The following NLRC5 variants were observed in gnomAD, a reference collection of about 807,000 sequenced individuals.
NLRC5 encodes NLR family CARD domain containing 5.
NLRC5 carries 114 observed loss-of-function variants against 206.9 expected under a neutral mutation model. The observed-to-expected ratio is 0.55, with a 90% confidence interval of 0.47 to 0.64. The LOEUF (loss-of-function observed/expected upper bound fraction) is 0.64. Ranked by LOEUF, NLRC5 falls within the 30% of genes least tolerant of loss-of-function variation. NLRC5 has a pLI of 0.00. For missense variants in NLRC5, 2,008 were observed against 2,305.5 expected, an observed-to-expected ratio of 0.87 and a Z score of 2.64; for synonymous variants, 952 against 962.8, an observed-to-expected ratio of 0.99 and a Z score of 0.21.
intron 1 of NLRC5, 147 bp downstream of exon 1, chr16:56,989,764 C>G (rs1473431216): frequency 2.6e-5 from 4 of 152,240 alleles, no homozygotes. Context: ...GGTGGCTGGC[C>G]GATGGATAGC....
At chr16:57,059,128 G>C in intron 29 of NLRC5, 67 bp downstream of exon 29, 1 of 1,611,422 alleles carries the variant, frequency 6.2e-7, no homozygotes, top group Non-Finnish European at 8.5e-7. Context: ...GCTGATGATG[G>C]GAGAAGCAAG....
At chr16:57,013,411 G>A in intron 1 of NLRC5, 1 of 637,606 alleles carries the variant, frequency 1.6e-6, no homozygotes. Context: ...TTATTTTGAA[G>A]ATTTTTTCTG....
At chr16:57,059,420 G>C (rs748025911) in intron 29 of NLRC5, 47 bp from the exon 30 acceptor site, 1 of 1,570,794 alleles carries the variant, frequency 6.4e-7, no homozygotes, top group South Asian at 1.2e-5. Context: ...TGCCTAGGAA[G>C]CTGGCATGTC....
chr16:57,035,798 C>T (rs1271974017), intron 13 of NLRC5, among the ~76,000 whole-genome samples: 4 of 152,180 alleles, frequency 2.6e-5, no homozygotes, highest in South Asian at 2.1e-4. Context: ...GGTTCTCCCT[C>T]GAGCAAGTGC....
chr16:57,043,863 TC>T (rs1225667867), intron 20 of NLRC5: 7 of 545,156 alleles, frequency 1.3e-5, no homozygotes, highest in Admixed American at 3.3e-5. Flanking sequence ...CCTCACTCGT[TC>T]TTTGGATAGT....
At chr16:57,058,269 G>T in intron 28 of NLRC5, 121 bp downstream of exon 28, 1 of 790,494 alleles carries the variant, frequency 1.3e-6, no homozygotes, top group East Asian at 2.7e-5. Context: ...GACTGTGGAG[G>T]GCAAGGGGCA....
intron 46 of NLRC5, 117 bp downstream of exon 46, chr16:57,079,746 C>A: frequency 1.4e-6 from 1 of 739,118 alleles, no homozygotes; most frequent in Middle Eastern, 2.5e-4. Context: ...TCTGGCCAGT[C>A]CTCCCATTTG....
intron 1 of NLRC5, among the ~76,000 whole-genome samples, chr16:57,000,021 G>A (rs2058068253): frequency 6.6e-6 from 1 of 152,196 alleles, no homozygotes; most frequent in African/African-American, 2.4e-5. Context: ...GTGGCCCATT[G>A]GGATTTTTTA....
intron 39 of NLRC5, 85 bp downstream of exon 39, chr16:57,074,768 C>A: frequency 7.6e-7 from 1 of 1,309,008 alleles, no homozygotes; most frequent in Non-Finnish European, 1.1e-6. Flanking sequence ...AGCACTGAGG[C>A]CACCTCCCAG....
chr16:57,066,668 A>C (rs1308300966), intron 34 of NLRC5, 54 bp downstream of exon 34: 1 of 1,494,264 alleles, frequency 6.7e-7, no homozygotes, highest in African/African-American at 1.4e-5. Context: ...GGGAGGGGGC[A>C]GGGCTGCTTC....
chr16:57,030,210 A>C lies in NLRC5; in HGVS notation c.2417+126A>C, dbSNP rs1038480845. 16 of 742,108 alleles carry C rather than the reference A, an allele frequency of 2.2e-5. No homozygotes were observed. The African/African-American group carries it at 2.6e-4, about 12-fold the overall frequency. 46.0% of individuals were successfully genotyped at this position (742,108 alleles called of 1,614,324 possible). A position where few individuals can be genotyped will look rare whatever the true frequency, so the allele number is the denominator to read the frequency against. On this transcript the variant is annotated intron_variant, in intron 10 of 48. Transcript: ENST00000688547. ...CTGTGCATACCCTACTGTTTTACTC[A>C]CAGCTTTACCTTCAGAACCTAGCTC...
Position 56,994,842 on chromosome 16 carries a change from T to A in NLRC5, c.-128+5225T>A, listed in dbSNP as rs111513619. ...TGTGCTCCCAGATGCTCATTGTGAA[T>A]GACATTTTTGCAATTTTTGCAATTT... On this transcript the variant is annotated intron_variant, in intron 1 of 48. Transcript: ENST00000688547. Among the ~76,000 whole-genome samples, 913 of 152,312 alleles carry A rather than the reference T, an allele frequency of 6.0e-3. 11 individuals are homozygous for A. Among genetic ancestry groups the A allele is most frequent in the African/African-American group, 0.02 (842 of 41,572 alleles).
intron 1 of NLRC5, among the ~76,000 whole-genome samples, chr16:57,003,145 C>T (rs529383043): frequency 4.6e-5 from 7 of 152,236 alleles, no homozygotes; most frequent in Middle Eastern, 3.4e-3. Context: ...CTGCCGCCTC[C>T]GTCTCTTGGG....
At chr16:57,061,965 T>C (rs746456112) in intron 32 of NLRC5, 8 of 1,496,454 alleles carry the variant, frequency 5.3e-6, no homozygotes, top group Middle Eastern at 3.5e-4. Flanking sequence ...TTTCAGAGGA[T>C]ACTGAACTGA....
intron 28 of NLRC5, chr16:57,058,552 G>GT: frequency 3.2e-6 from 1 of 315,912 alleles, no homozygotes. Flanking sequence ...TGTCCCTGTG[G>GT]CAGGCAAGGG....
At chr16:57,005,446 C>T (rs915756278) in intron 1 of NLRC5, among the ~76,000 whole-genome samples, 2 of 148,526 alleles carry the variant, frequency 1.3e-5, no homozygotes, top group Admixed American at 6.8e-5. Context: ...ATCACTTGAG[C>T]GCAGGAATTT....
In NLRC5 at chr16:57,070,574, G is replaced by T; in HGVS notation, c.4623G>T (p.Ala1541=). 1 of 1,614,156 alleles carries T rather than the reference G, an allele frequency of 6.2e-7. No homozygotes were observed. Residue 1541 remains alanine, a synonymous_variant, in exon 38 of 49, where the codon GCG becomes GCT. Coordinates refer to ENST00000688547, the MANE Select transcript of NLRC5 (RefSeq NM_001384950.1). Reference sequence around the variant, plus strand: ...AATTTGATGAGGAGGGCACCAAGGCGCTGATGAGGGCCCTTGAGGGGAAAT... The same window carrying T: ...AATTTGATGAGGAGGGCACCAAGGCTCTGATGAGGGCCCTTGAGGGGAAAT... ...NNQFDEEGTK[A]LMRALEGKWM...
intron 38 of NLRC5, among the ~76,000 whole-genome samples, chr16:57,070,997 AAGGGTT>A (rs2067632022): frequency 1.2e-5 from 1 of 80,326 alleles, no homozygotes; most frequent in Admixed American, 1.4e-4. Flanking sequence ...GTTAATGGGG[AAGGGTT>A]GTGAGTGAGT....
At chr16:57,017,596 C>G (rs940149342) in intron 2 of NLRC5, among the ~76,000 whole-genome samples, 4 of 152,122 alleles carry the variant, frequency 2.6e-5, no homozygotes, top group Non-Finnish European at 5.9e-5. Flanking sequence ...GATTGCTCCT[C>G]CACATCATCC....
Sources: allele counts gnomAD v4.1 joint callset (sites outside exome capture counted in the v4.1 genomes callset), GRCh38; gene constraint gnomAD v4.1.1; transcripts MANE v1.5; gene names NCBI Gene and HGNC (gene_info 2026-07-23, HGNC 2026-07-21).